The following ELOA variants were observed in gnomAD, a reference collection of about 807,000 sequenced individuals.
ELOA encodes elongin-A.
In ELOA, 15 loss-of-function variants were observed where a neutral mutation model predicts 85.2. The ratio of observed to expected loss-of-function variants is 0.18; its 90% CI spans 0.12 to 0.27. The LOEUF (loss-of-function observed/expected upper bound fraction) is 0.27, where lower values mean the gene tolerates loss of function less well. ELOA is among the 10% of genes least tolerant of loss of function. ELOA has a pLI of 1.00. For missense variants in ELOA, 769 were observed against 952.7 expected (o/e 0.81, Z 2.54); for synonymous variants, 348 against 357.2 (o/e 0.97, Z 0.29).
At chr1:23,756,112 C>A in intron 8 of ELOA, 89 bp downstream of exon 8, 1 of 1,502,498 alleles carries the variant, frequency 6.7e-7, no homozygotes, top group Admixed American at 2.0e-5. Context: ...TGGTGTAGGA[C>A]TGCTTGCCCC....
At chr1:23,746,383 G>A (rs1441706289) in intron 1 of ELOA, among the ~76,000 whole-genome samples, 4 of 140,848 alleles carry the variant, frequency 2.8e-5, no homozygotes, top group East Asian at 2.2e-4. Flanking sequence ...CAAGAGGGGC[G>A]GATCATCTGA....
Position 23,759,636 on chromosome 1 carries a change from G to A in ELOA, c.*63G>A, listed in dbSNP as rs776108233. 1.4e-5 allele frequency: 22 copies of A among 1,577,302 alleles called. No individual in the cohort carries two copies. The highest frequency in any genetic ancestry group is 1.9e-5 in the Non-Finnish European group (22 of 1,146,840). ...AGGAATACAAGGACAGTGGGGGTTG[G>A]GGAATGGAATTCTACAGGAGACTGG... On this transcript the variant is annotated 3_prime_UTR_variant, in exon 11 of 11. Coordinates refer to ENST00000613537, the MANE Select transcript of ELOA (RefSeq NM_003198.3).
rs755217650 is a variant in ELOA, at chr1:23,755,891, G to T, written c.1840G>T (p.Asp614Tyr). 1 of 1,613,424 alleles carries T rather than the reference G, an allele frequency of 6.2e-7. No individual in the cohort carries two copies. The highest frequency in any genetic ancestry group is 1.1e-5 in the South Asian group (1 of 91,048). The change falls in exon 8 of 11, where the codon GAC becomes TAC. Residue 614 changes from aspartate (D) to tyrosine (Y), a missense_variant. Coordinates refer to ENST00000613537, the MANE Select transcript of ELOA (RefSeq NM_003198.3). ...ATTATGGAAAGTTCATTGTCACCGA[G>T]ACTTTAAGGAAGAAAGACCCGAAGA... ...DQLWKVHCHR[D>Y]FKEERPEEYE... is the part of the protein sequence containing the mutation.
intron 5 of ELOA, among the ~76,000 whole-genome samples, chr1:23,753,793 A>G (rs974200892): frequency 6.6e-6 from 1 of 152,120 alleles, no homozygotes; most frequent in African/African-American, 2.4e-5. Context: ...CAGTAGCTCC[A>G]TCTTGGCTCA....
chr1:23,751,478 G>C lies in ELOA; in HGVS notation c.873G>C (p.Glu291Asp). 6.2e-7 allele frequency: 1 copy of C among 1,614,112 alleles called. No individual in the cohort carries two copies. The highest frequency in any genetic ancestry group is 8.5e-7 in the Non-Finnish European group (1 of 1,180,044). ...CACCCTCAGGGGACAATGCAAGGGA[G>C]AAACCGCCCTCTAGTGGCGTAAAGA... ...RRPPSGDNAREKPPSSGVKKE... is the reference protein window; with the variant it reads ...RRPPSGDNARDKPPSSGVKKE... Residue 291 changes from glutamate to aspartate, a missense_variant, in exon 4 of 11, where the codon GAG (glutamate) becomes GAC (aspartate). Physicochemically the swap from Glu to Asp is conservative, Grantham distance 45 (BLOSUM62 2). Transcript: ENST00000613537.
rs766084856 is a variant in ELOA, at chr1:23,749,874, G to T, written c.165G>T (p.Leu55Phe). Residue 55 changes from leucine to phenylalanine, a missense_variant, in exon 3 of 11, where the codon TTG becomes TTT. Physicochemically the swap from Leu to Phe is conservative, Grantham distance 22. Coordinates refer to ENST00000613537, the MANE Select transcript of ELOA (RefSeq NM_003198.3). ...GGGTTGGGAAAACAGTAAATAGCTTGCGAAAACACGAGCATGTTGGAAGCT... is the reference window on the plus strand; with the variant it reads ...GGGTTGGGAAAACAGTAAATAGCTTTCGAAAACACGAGCATGTTGGAAGCT... ...ETGVGKTVNSLRKHEHVGSFA... is the reference protein window; with the variant it reads ...ETGVGKTVNSFRKHEHVGSFA... 6.2e-7 allele frequency: 1 copy of T among 1,613,980 alleles called. No individual in the cohort carries two copies. Among genetic ancestry groups the T allele is most frequent in the Admixed American group, 1.7e-5 (1 of 60,014 alleles).
chr1:23,759,662 A>C lies in ELOA; in HGVS notation c.*89A>C. 3 of 1,486,310 alleles carry C rather than the reference A, an allele frequency of 2.0e-6. No individual in the cohort carries two copies. In the South Asian group the frequency reaches 3.4e-5, roughly 17 times the overall value. The allele number at this position is 1,486,310 out of a possible 1,614,324, so 92.1% of individuals were successfully genotyped here. A position where few individuals can be genotyped will look rare whatever the true frequency, so the allele number is the denominator to read the frequency against. On this transcript the variant is annotated 3_prime_UTR_variant, in exon 11 of 11. Transcript: ENST00000613537. The stretch of plus-strand genomic sequence containing the variant: ...GGAATGGAATTCTACAGGAGACTGG[A>C]GTCTTGCTTTGTGGATCCTTTTGGT...
chr1:23,754,525 T>A, intron 7 of ELOA, 65 bp downstream of exon 7: 7 of 1,251,980 alleles, frequency 5.6e-6, no homozygotes, highest in Non-Finnish European at 8.2e-6. Context: ...AATAGCTTTG[T>A]CCCTGTGACT....
rs996144598 is a variant in ELOA, at chr1:23,756,322, G to A, written c.2021G>A (p.Arg674His). Residue 674 changes from arginine to histidine, a missense_variant, in exon 9 of 11, where the codon CGT becomes CAT. This residue lies in a region of ELOA where 116 missense variants were observed against 141.0 expected (regional missense o/e 0.82). Coordinates refer to ENST00000613537, the MANE Select transcript of ELOA (RefSeq NM_003198.3). ...GTCAACTCTGTGGCCAAGCCACCTC[G>A]TGACGTCCGGAGGAGGCAGGAAAAG... is the stretch of plus-strand genomic sequence containing the variant. Reference protein sequence around the residue: ...AFVNSVAKPPRDVRRRQEKFG... With the variant: ...AFVNSVAKPPHDVRRRQEKFG... The A allele has an allele frequency of 7.6e-6, 12 of 1,579,832 alleles. No individual in the cohort carries two copies. Among genetic ancestry groups the A allele is most frequent in the African/African-American group, 1.3e-5 (1 of 74,422 alleles).
Position 23,752,527 on chromosome 1 carries a change from C to G in ELOA, c.1537+9C>G. 6.2e-7 allele frequency: 1 copy of G among 1,610,732 alleles called. No individual in the cohort carries two copies. Among genetic ancestry groups the G allele is most frequent in the Non-Finnish European group, 8.5e-7 (1 of 1,177,960 alleles). On this transcript the variant is annotated intron_variant, in intron 5 of 10. Coordinates refer to ENST00000613537, the MANE Select transcript of ELOA (RefSeq NM_003198.3). ...CCAGCCAAAGCGAAAAGGTAATTTT[C>G]TATATCTTCTTTTTCTTAATGGGAA...
chr1:23,744,094 C>A (rs1644736109), intron 1 of ELOA: 1 of 152,582 alleles, frequency 6.6e-6, no homozygotes, highest in Admixed American at 6.5e-5. Flanking sequence ...GGTTACTACT[C>A]TCCGGCTGGA....
intron 6 of ELOA, 37 bp downstream of exon 6, chr1:23,754,292 T>G (rs778437641): frequency 1.2e-6 from 2 of 1,614,130 alleles, no homozygotes; most frequent in South Asian, 2.2e-5. Flanking sequence ...TCAAGCACAT[T>G]GTAGCACTTG....
intron 10 of ELOA, among the ~76,000 whole-genome samples, 172 bp from the exon 11 acceptor site, chr1:23,759,340 G>A (rs1465994275): frequency 6.6e-6 from 1 of 152,244 alleles, no homozygotes; most frequent in Non-Finnish European, 1.5e-5. Flanking sequence ...GAAAGTGTCT[G>A]CTCTGTGCTG....
At chr1:23,758,247 ATTTATTTATTTATTTTTTTTTTTTT>A (rs1372712158) in intron 10 of ELOA, among the ~76,000 whole-genome samples, 5 of 56,786 alleles carry the variant, frequency 8.8e-5, no homozygotes, top group Admixed American at 2.7e-4. Context: ...GGGTCTTCCA[ATTTATTTATTTATTTTTTTTTTTTT>A]TTTTTTTTTT....
At chr1:23,755,300 T>C (rs1644789431) in intron 7 of ELOA, among the ~76,000 whole-genome samples, 1 of 152,210 alleles carries the variant, frequency 6.6e-6, no homozygotes, top group South Asian at 2.1e-4. Flanking sequence ...AAAAGACTGA[T>C]GTTACACAGA....
At position 23,754,472 on chromosome 1, in the gene ELOA, G is replaced by C. The variant is rs1644786107; in HGVS notation, c.1791+12G>C. ...AGGAATACAATCATGTGAGTATTCT[G>C]TTTGGGTGGGAAGAGGGCAGTTTTC... On this transcript the variant is annotated intron_variant, in intron 7 of 10. Transcript: ENST00000613537. 1.2e-6 allele frequency: 2 copies of C among 1,609,984 alleles called. No homozygotes were observed. Among genetic ancestry groups the C allele is most frequent in the African/African-American group, 2.7e-5 (2 of 74,984 alleles).
At chr1:23,750,479 C>T (rs1644765090) in intron 3 of ELOA, among the ~76,000 whole-genome samples, 2 of 152,202 alleles carry the variant, frequency 1.3e-5, no homozygotes, top group Middle Eastern at 3.4e-3. Flanking sequence ...CGCGGCTGGC[C>T]TGGTATGTTT....
rs1210760808 is a variant in ELOA at position 23,761,047 on chromosome 1, G to A, written c.*1474G>A. On this transcript the variant is annotated 3_prime_UTR_variant, in exon 11 of 11. Coordinates refer to ENST00000613537, the MANE Select transcript of ELOA (RefSeq NM_003198.3). ...CCAGGATACAGAGCCAGTGTTTTCT[G>A]TAACTGGAGACCTCAGTTAGGCCAA... is the stretch of plus-strand genomic sequence containing the variant. 2 of 152,172 alleles carry A rather than the reference G, an allele frequency of 1.3e-5. No individual in the cohort carries two copies. Among genetic ancestry groups the A allele is most frequent in the African/African-American group, 4.8e-5 (2 of 41,430 alleles). The allele number at this position is 152,172 out of a possible 1,614,324, so 9.4% of individuals were successfully genotyped here. A position where few individuals can be genotyped will look rare whatever the true frequency, so the allele number is the denominator to read the frequency against.
chr1:23,743,749 G>A (rs1644733703), intron 1 of ELOA, among the ~76,000 whole-genome samples, 171 bp downstream of exon 1: 1 of 152,094 alleles, frequency 6.6e-6, no homozygotes, highest in South Asian at 2.1e-4. Flanking sequence ...TTGGGACCCC[G>A]TGCGTCGGGC....
Sources: allele counts gnomAD v4.1 joint callset (sites outside exome capture counted in the v4.1 genomes callset), GRCh38; gene constraint gnomAD v4.1.1; regional missense constraint gnomAD v4.1.1; transcripts MANE v1.5; gene names NCBI Gene and HGNC (gene_info 2026-07-23, HGNC 2026-07-21).